The following RTL4 variants were observed in gnomAD, a reference collection of about 807,000 sequenced individuals.
RTL4 encodes retrotransposon Gag-like protein 4.
RTL4 carries 4 observed loss-of-function variants against 5.3 expected under a neutral mutation model. The observed-to-expected ratio is 0.75, with a 90% CI of 0.37 to 1.72. The LOEUF (loss-of-function observed/expected upper bound fraction) is 1.72. Among genes scored for constraint, RTL4 ranks in the 40% most tolerant of loss-of-function variants. The probability of loss-of-function intolerance (pLI) is 0.04; values close to 1 mark genes in which losing one functional copy is unlikely to be tolerated. For synonymous variants in RTL4, 98 were observed against 87.3 expected (o/e 1.12, Z -0.68); for missense variants, 260 against 227.1 (o/e 1.14, Z -0.93).
At chrX:112,303,024 A>G in the RTL4 span, among the ~76,000 whole-genome samples, 1 of 111,976 alleles carries the variant, frequency 8.9e-6, no homozygotes, top group Non-Finnish European at 1.9e-5. Context: ...TGCCTTGTGC[A>G]TGATCATTCT....
chrX:112,303,049 T>C, the RTL4 span, among the ~76,000 whole-genome samples: 1 of 111,514 alleles, frequency 9.0e-6, no homozygotes, highest in Non-Finnish European at 1.9e-5. Context: ...TTCCACACCA[T>C]TTTCTTAAGG....
chrX:112,251,060 T>G, the RTL4 span, among the ~76,000 whole-genome samples: 1 of 111,753 alleles, frequency 8.9e-6, no homozygotes. Context: ...TCTTAGTGCT[T>G]TACATATAAC....
At chrX:112,237,828 G>A in the RTL4 span, among the ~76,000 whole-genome samples, 1 of 112,037 alleles carries the variant, frequency 8.9e-6, no homozygotes, top group Admixed American at 9.5e-5. Context: ...TGAATGAAGA[G>A]CGATTTATTC....
chrX:112,364,802 T>C, the RTL4 span, among the ~76,000 whole-genome samples: 5 of 112,277 alleles, frequency 4.5e-5, no homozygotes, highest in East Asian at 1.1e-3. Context: ...GGATTTTCCA[T>C]TGGTATGGAC....
At chrX:112,235,774 A>T in the RTL4 span, among the ~76,000 whole-genome samples, 1 of 111,920 alleles carries the variant, frequency 8.9e-6, no homozygotes, top group East Asian at 2.8e-4. Flanking sequence ...ACATCAAGGA[A>T]AGAGCCATTC....
the RTL4 span, among the ~76,000 whole-genome samples, chrX:112,275,934 TC>T: frequency 1.8e-5 from 2 of 111,998 alleles, no homozygotes; most frequent in Admixed American, 1.9e-4. Flanking sequence ...GACTCCATCC[TC>T]CACTTTTTTA....
the RTL4 span, among the ~76,000 whole-genome samples, chrX:112,165,599 T>C: frequency 9.0e-6 from 1 of 111,655 alleles, no homozygotes; most frequent in African/African-American, 3.3e-5. Context: ...CTCTCTCTCT[T>C]TCCCGTTTTG....
the RTL4 span, among the ~76,000 whole-genome samples, chrX:112,153,557 C>A: frequency 8.9e-6 from 1 of 111,922 alleles, no homozygotes; most frequent in African/African-American, 3.2e-5. Flanking sequence ...TTTGACTATG[C>A]ATCCACGATC....
the RTL4 span, among the ~76,000 whole-genome samples, chrX:112,127,974 T>C: frequency 8.9e-6 from 1 of 111,845 alleles, no homozygotes; most frequent in East Asian, 2.8e-4. Context: ...TTAATATCAT[T>C]AAAGTGACAA....
the RTL4 span, among the ~76,000 whole-genome samples, chrX:112,324,765 C>T: frequency 9.0e-6 from 1 of 110,870 alleles, no homozygotes; most frequent in Non-Finnish European, 1.9e-5. Context: ...TTTTTGTAAC[C>T]TAATATTTGG....
At chrX:112,125,632 G>A in the RTL4 span, among the ~76,000 whole-genome samples, 8 of 111,637 alleles carry the variant, frequency 7.2e-5, no homozygotes, top group Non-Finnish European at 1.3e-4. Context: ...ACCCCTGCCC[G>A]CCCATGGAGG....
chrX:112,340,633 T>A, the RTL4 span, among the ~76,000 whole-genome samples: 1 of 107,095 alleles, frequency 9.3e-6, no homozygotes, highest in East Asian at 2.9e-4. Context: ...TTTTAGGCCG[T>A]TAGGACAAAA....
At chrX:112,390,515 G>T in the RTL4 span, among the ~76,000 whole-genome samples, 1 of 109,969 alleles carries the variant, frequency 9.1e-6, no homozygotes, top group Admixed American at 9.7e-5. Context: ...TGCAACATTT[G>T]CTTGTCTGAA....
chrX:112,296,611 CT>C, the RTL4 span, among the ~76,000 whole-genome samples: 999 of 92,457 alleles, frequency 0.011, 2 homozygotes, highest in Non-Finnish European at 0.016. Context: ...TTCTTTTCTT[CT>C]TTTTTTTTTT....
chrX:112,144,177 G>T, the RTL4 span, among the ~76,000 whole-genome samples: 1 of 110,962 alleles, frequency 9.0e-6, no homozygotes, highest in Non-Finnish European at 1.9e-5. Context: ...CTTGGGGTGG[G>T]ATCCCTAAAA....
the RTL4 span, among the ~76,000 whole-genome samples, chrX:112,222,686 T>A: frequency 9.1e-6 from 1 of 110,437 alleles, no homozygotes; most frequent in Admixed American, 9.6e-5. Context: ...TGAGCTGTGA[T>A]CATGCCACTG....
chrX:112,387,017 A>T, the RTL4 span, among the ~76,000 whole-genome samples: 9 of 105,998 alleles, frequency 8.5e-5, no homozygotes, highest in Admixed American at 2.0e-4. Flanking sequence ...GCCAACATCT[A>T]TTTTTTTTTT....
At chrX:112,100,820 G>A in the RTL4 span, among the ~76,000 whole-genome samples, 2 of 111,808 alleles carry the variant, frequency 1.8e-5, no homozygotes, top group African/African-American at 6.5e-5. Flanking sequence ...GATGGGAGCT[G>A]TGAGGGAGGC....
chrX:112,361,761 G>A, the RTL4 span, among the ~76,000 whole-genome samples: 1 of 110,770 alleles, frequency 9.0e-6, no homozygotes, highest in Non-Finnish European at 1.9e-5. Context: ...TTTCTTGCTT[G>A]CTCGCTCTCC....
Sources: allele counts gnomAD v4.1 joint callset (sites outside exome capture counted in the v4.1 genomes callset), GRCh38; gene constraint gnomAD v4.1.1; transcripts MANE v1.5; gene names NCBI Gene and HGNC (gene_info 2026-07-23, HGNC 2026-07-21).